PTPRN2: variants seen among roughly 807,000 people sequenced by gnomAD.
The protein encoded by PTPRN2 is receptor-type tyrosine-protein phosphatase N2.
In PTPRN2, 74 loss-of-function variants were observed where a neutral mutation model predicts 118.8. The ratio of observed to expected loss-of-function variants is 0.62; its 90% confidence interval spans 0.52 to 0.76. The LOEUF (loss-of-function observed/expected upper bound fraction) is 0.76, where lower values mean the gene tolerates loss of function less well. Ranked by LOEUF, PTPRN2 falls within the 30% of genes least tolerant of loss-of-function variation. The probability of loss-of-function intolerance (pLI) is 0.00; values close to 1 mark genes in which losing one functional copy is unlikely to be tolerated. For missense variants in PTPRN2, 1,481 were observed against 1,394.4 expected (o/e 1.06, Z -0.99); for synonymous variants, 641 against 608.0 (o/e 1.05, Z -0.80).
At chr7:157,956,516 T>C (rs1323953709) in intron 11 of PTPRN2, among the ~76,000 whole-genome samples, 2 of 152,252 alleles carry the variant, frequency 1.3e-5, no homozygotes, top group African/African-American at 4.8e-5. Flanking sequence ...CACTCAACAA[T>C]TGACTGGCTA....
At chr7:157,540,909 G>T in intron 22 of PTPRN2, 124 bp from the exon 23 acceptor site, 1 of 724,374 alleles carries the variant, frequency 1.4e-6, no homozygotes, top group Non-Finnish European at 2.3e-6. Context: ...AGCTCCCCGG[G>T]CCATTTCGCA....
intron 3 of PTPRN2, among the ~76,000 whole-genome samples, chr7:158,262,492 TACATGC>T: frequency 1.1e-5 from 1 of 94,684 alleles, no homozygotes; most frequent in East Asian, 3.2e-4. Context: ...TGCACACACA[TACATGC>T]ACACACACTG....
chr7:157,962,813 C>T (rs1801641735), intron 11 of PTPRN2, among the ~76,000 whole-genome samples: 1 of 152,128 alleles, frequency 6.6e-6, no homozygotes, highest in South Asian at 2.1e-4. Flanking sequence ...AAATGAGGAC[C>T]ATATATGGCA....
rs865890843 is a variant in PTPRN2 at position 158,071,067 on chromosome 7, T to C, written c.1723+10231A>G. Among the ~76,000 whole-genome samples, 168 of 50,452 alleles carry C rather than the reference T, an allele frequency of 3.3e-3. 2 individuals carry two copies. The highest frequency in any genetic ancestry group is 4.2e-3 in the African/African-American group (37 of 8,846). The allele number at this position is 50,452 out of a possible 152,430, so 33.1% of individuals were successfully genotyped here. ...GAGGTGCTCATGGTGGTGGAGGTGC[T>C]CGTGGTGGTGGAGGTGCCCGTGGTG... On this transcript the variant is annotated intron_variant, in intron 11 of 22. Transcript: ENST00000389418.
intron 9 of PTPRN2, among the ~76,000 whole-genome samples, chr7:158,112,167 G>A (rs1023969295): frequency 6.6e-6 from 1 of 152,142 alleles, no homozygotes; most frequent in Non-Finnish European, 1.5e-5. Context: ...GTGTGCGCCA[G>A]CAGCCCAGGC....
chr7:158,288,681 T>A (rs568955624), intron 3 of PTPRN2, among the ~76,000 whole-genome samples: 1 of 152,346 alleles, frequency 6.6e-6, no homozygotes, highest in South Asian at 2.1e-4. Context: ...TTTTCTCTTT[T>A]TACCTTCATG....
intron 2 of PTPRN2, among the ~76,000 whole-genome samples, chr7:158,380,927 C>T (rs571695575): frequency 6.6e-6 from 1 of 152,280 alleles, no homozygotes. Context: ...GGCTTGCCCC[C>T]CTCTGAAGCC....
At chr7:158,320,707 T>G (rs1283898063) in intron 2 of PTPRN2, among the ~76,000 whole-genome samples, 1 of 152,202 alleles carries the variant, frequency 6.6e-6, no homozygotes, top group Non-Finnish European at 1.5e-5. Context: ...TTCATCCTTA[T>G]CTCCGTATTT....
Position 158,149,012 on chromosome 7 carries a change from T to C in PTPRN2, c.911-10497A>G, listed in dbSNP as rs374582781. On this transcript the variant is annotated intron_variant, in intron 6 of 22. Coordinates refer to ENST00000389418, the MANE Select transcript of PTPRN2 (RefSeq NM_002847.5). Reference sequence around the variant, plus strand: ...CACACATCTTTCCCCCTCAATGACATCCCATCTCACGCCACGTGTCTTTCC... The same window carrying C: ...CACACATCTTTCCCCCTCAATGACACCCCATCTCACGCCACGTGTCTTTCC... Among the ~76,000 whole-genome samples, 92 of 94,424 alleles carry C rather than the reference T, an allele frequency of 9.7e-4. 2 individuals are homozygous for C. The highest frequency in any genetic ancestry group is 2.2e-3 in the African/African-American group (40 of 17,956). 61.9% of individuals were successfully genotyped at this position (94,424 alleles called of 152,430 possible). A position where few individuals can be genotyped will look rare whatever the true frequency, so the allele number is the denominator to read the frequency against.
chr7:157,776,318 T>C (rs1316030812), intron 12 of PTPRN2, among the ~76,000 whole-genome samples: 14 of 31,806 alleles, frequency 4.4e-4, no homozygotes, highest in East Asian at 3.1e-3. Flanking sequence ...TCTTCCTCCC[T>C]CTCCTCCTCC....
intron 1 of PTPRN2, among the ~76,000 whole-genome samples, chr7:158,514,609 TC>T (rs1823404512): frequency 6.6e-6 from 1 of 152,094 alleles, no homozygotes; most frequent in Non-Finnish European, 1.5e-5. Flanking sequence ...CCCCACCTCT[TC>T]CTCAGTGCTC....
intron 1 of PTPRN2, among the ~76,000 whole-genome samples, chr7:158,512,729 C>T (rs1013944515): frequency 2.6e-5 from 4 of 152,030 alleles, no homozygotes; most frequent in African/African-American, 9.7e-5. Flanking sequence ...AAGACTGAGA[C>T]AGGAAATACA....
chr7:158,362,572 G>C (rs1809074266), intron 2 of PTPRN2, among the ~76,000 whole-genome samples: 1 of 152,260 alleles, frequency 6.6e-6, no homozygotes, highest in African/African-American at 2.4e-5. Context: ...CCTCTGCAAG[G>C]GACAAATTTG....
intron 11 of PTPRN2, among the ~76,000 whole-genome samples, chr7:158,038,062 G>C (rs1286637067): frequency 1.3e-5 from 2 of 152,194 alleles, no homozygotes; most frequent in African/African-American, 4.8e-5. Flanking sequence ...GCTGGATGGT[G>C]ACTACACAGC....
At chr7:158,124,068 A>T (rs577777796) in intron 9 of PTPRN2, among the ~76,000 whole-genome samples, 1 of 152,334 alleles carries the variant, frequency 6.6e-6, no homozygotes, top group African/African-American at 2.4e-5. Context: ...CCAAGTTACC[A>T]TGGGACCTGA....
At chr7:158,377,280 A>G (rs138038245) in intron 2 of PTPRN2, among the ~76,000 whole-genome samples, 198 of 141,460 alleles carry the variant, frequency 1.4e-3, no homozygotes, top group African/African-American at 5.1e-3. Context: ...CCTGTCACAC[A>G]TCAAGCACGC....
At chr7:157,667,198 G>A (rs1405392590) in intron 13 of PTPRN2, among the ~76,000 whole-genome samples, 1 of 95,910 alleles carries the variant, frequency 1.0e-5, no homozygotes, top group Non-Finnish European at 2.6e-5. Context: ...TGAGTACACA[G>A]CCTGGCTTGC....
intron 12 of PTPRN2, among the ~76,000 whole-genome samples, chr7:157,684,361 G>A (rs1425754167): frequency 6.7e-6 from 1 of 148,828 alleles, no homozygotes; most frequent in Non-Finnish European, 1.5e-5. Flanking sequence ...GGAGGCTTTG[G>A]AGAGGGAGGG....
In PTPRN2 at chr7:157,605,557, G is replaced by A. The variant is rs141548152; in HGVS notation, c.2345-1482C>T. ...GACAGGTCCTGAGTTCTTGTTCTGC[G>A]ACCAGGAAGAATGAGGTATGGAGAC... On this transcript the variant is annotated intron_variant, in intron 15 of 22. Coordinates refer to ENST00000389418, the MANE Select transcript of PTPRN2 (RefSeq NM_002847.5). Among the ~76,000 whole-genome samples the A allele has an allele frequency of 6.0e-4, 92 of 152,298 alleles. 1 individual carries two copies. In the East Asian group the frequency reaches 0.017, roughly 28 times the overall value.
Sources: gnomAD v4.1 joint callset for allele counts (sites outside exome capture counted in the v4.1 genomes callset) on GRCh38, gnomAD v4.1.1 for gene constraint, MANE v1.5 for transcripts, NCBI Gene and HGNC (gene_info 2026-07-23, HGNC 2026-07-21) for gene names.